LPP: variants seen among roughly 807,000 people sequenced by gnomAD.
LPP encodes lipoma-preferred partner.
LPP carries 38 observed loss-of-function variants against 60.4 expected under a neutral mutation model. The ratio of observed to expected loss-of-function variants is 0.63; its 90% CI spans 0.49 to 0.83. LPP has a LOEUF of 0.83. Among genes scored for constraint, LPP ranks in the 40% least tolerant of loss-of-function variants. The probability of loss-of-function intolerance (pLI) is 0.00; values close to 1 mark genes in which losing one functional copy is unlikely to be tolerated. For synonymous variants in LPP, 328 were observed against 290.8 expected, an observed-to-expected ratio of 1.13 and a Z score of -1.30; for missense variants, 902 against 783.6, an observed-to-expected ratio of 1.15 and a Z score of -1.80.
chr3:188,371,638 T>TATAC (rs1773178040), intron 3 of LPP, among the ~76,000 whole-genome samples: 4 of 36,308 alleles, frequency 1.1e-4, no homozygotes, highest in Non-Finnish European at 2.5e-4. Context: ...TATATATATA[T>TATAC]ATATTTTTTT....
In LPP at chr3:188,609,438, C is replaced by T; in HGVS notation, c.707C>T (p.Ala236Val). ...GCCCAGCCCAGCCCTCATTATATGGCTGCCCCTTCATCAGGACAAATTTAT... is the reference window on the plus strand; with the variant it reads ...GCCCAGCCCAGCCCTCATTATATGGTTGCCCCTTCATCAGGACAAATTTAT... ...KSAQPSPHYM[A>V]APSSGQIYGS... Residue 236 changes from alanine (A) to valine (V), a missense_variant, in exon 7 of 12, where the codon GCT (alanine) becomes GTT (valine). By Grantham distance (64) the Ala-to-Val change is moderately conservative. Transcript: ENST00000617246. This position sits in a 1 kb window ranked among gnomAD's most constrained non-coding sequence, Gnocchi z 6.9. 12 of 1,614,190 alleles carry T rather than the reference C, an allele frequency of 7.4e-6. No homozygotes were observed. The highest frequency in any genetic ancestry group is 1.0e-5 in the Non-Finnish European group (12 of 1,180,036).
At chr3:188,485,511 G>T (rs910141642) in intron 5 of LPP, among the ~76,000 whole-genome samples, 3 of 152,162 alleles carry the variant, frequency 2.0e-5, no homozygotes, top group African/African-American at 7.2e-5. Context: ...AGATAAAATG[G>T]AATGGGCCGG....
At chr3:188,760,018 C>T (rs921134300) in intron 8 of LPP, 95 bp from the exon 9 acceptor site, 6 of 1,038,274 alleles carry the variant, frequency 5.8e-6, no homozygotes, top group Non-Finnish European at 7.2e-6. Flanking sequence ...GGTTCTATTG[C>T]TGCTGACGTT....
chr3:188,627,716 G>A (rs1171306886), intron 7 of LPP, among the ~76,000 whole-genome samples: 1 of 152,048 alleles, frequency 6.6e-6, no homozygotes, highest in Non-Finnish European at 1.5e-5. Context: ...GATCACTAAA[G>A]CAGAAAACCA....
At chr3:188,427,884 G>A (rs760874341) in intron 4 of LPP, among the ~76,000 whole-genome samples, 1 of 152,088 alleles carries the variant, frequency 6.6e-6, no homozygotes, top group East Asian at 1.9e-4. Context: ...AGAACACTTG[G>A]CTCCCTGGCT....
intron 2 of LPP, among the ~76,000 whole-genome samples, chr3:188,292,570 G>A (rs1194166914): frequency 6.6e-6 from 1 of 152,178 alleles, no homozygotes; most frequent in Non-Finnish European, 1.5e-5. Flanking sequence ...TGGGAGGTGG[G>A]AAGGATTGAA....
intron 3 of LPP, among the ~76,000 whole-genome samples, chr3:188,362,607 G>A (rs772599303): frequency 6.6e-6 from 1 of 152,004 alleles, no homozygotes; most frequent in African/African-American, 2.4e-5. Context: ...TGATTAGATC[G>A]ACGTGTTTAC....
intron 9 of LPP, among the ~76,000 whole-genome samples, chr3:188,814,826 G>T (rs1282477022): frequency 1.3e-5 from 2 of 152,190 alleles, no homozygotes; most frequent in Non-Finnish European, 2.9e-5. Context: ...TTGTCTCTCA[G>T]TCTTAAAAGT....
chr3:188,870,699 G>C (rs980780784), intron 10 of LPP, among the ~76,000 whole-genome samples: 8 of 152,206 alleles, frequency 5.3e-5, no homozygotes, highest in African/African-American at 1.9e-4. Context: ...TCCACTCAGT[G>C]AGCTAAGCCT....
intron 9 of LPP, among the ~76,000 whole-genome samples, chr3:188,824,021 C>A (rs1300269893): frequency 1.3e-5 from 2 of 151,980 alleles, no homozygotes; most frequent in Non-Finnish European, 2.9e-5. Flanking sequence ...TTATAATAAT[C>A]CATTTGTCTC....
intron 9 of LPP, among the ~76,000 whole-genome samples, chr3:188,831,719 A>C (rs1311779726): frequency 1.3e-5 from 2 of 152,232 alleles, no homozygotes; most frequent in African/African-American, 4.8e-5. Flanking sequence ...TAACTTGTGC[A>C]GGATCACACA....
At chr3:188,403,163 C>G (rs886232713) in intron 3 of LPP, among the ~76,000 whole-genome samples, 11 of 152,100 alleles carry the variant, frequency 7.2e-5, no homozygotes, top group African/African-American at 2.7e-4. Context: ...GGGCAGCATG[C>G]GGGTAATTTA....
At chr3:188,769,169 T>A (rs1735083237) in intron 9 of LPP, among the ~76,000 whole-genome samples, 1 of 152,124 alleles carries the variant, frequency 6.6e-6, no homozygotes, top group African/African-American at 2.4e-5. Flanking sequence ...GCTAAAAAAG[T>A]TTTGCATGAA....
At chr3:188,240,203 C>CCTTTCATAAA in intron 2 of LPP, 1 of 179,726 alleles carries the variant, frequency 5.6e-6, no homozygotes, top group Admixed American at 6.3e-5. Context: ...GTTTCATTTT[C>CCTTTCATAAA]CTTTCATAAA....
At chr3:188,286,337 G>C (rs1463957650) in intron 2 of LPP, among the ~76,000 whole-genome samples, 1 of 152,118 alleles carries the variant, frequency 6.6e-6, no homozygotes, top group Non-Finnish European at 1.5e-5. Context: ...AGGTTTGAGT[G>C]ACTCAACATG....
At chr3:188,660,454 A>G (rs1854322714) in intron 7 of LPP, among the ~76,000 whole-genome samples, 1 of 152,152 alleles carries the variant, frequency 6.6e-6, no homozygotes, top group Non-Finnish European at 1.5e-5. Flanking sequence ...CTTTCAGGTA[A>G]ATATTTGTTC....
At chr3:188,194,868 A>G (rs1472921140) in intron 1 of LPP, among the ~76,000 whole-genome samples, 1 of 152,094 alleles carries the variant, frequency 6.6e-6, no homozygotes, top group Admixed American at 6.5e-5. Flanking sequence ...ATGGTAGAAA[A>G]CACAGGTTCA....
chr3:188,203,639 T>TATAA (rs1196963709), intron 1 of LPP, among the ~76,000 whole-genome samples: 1 of 115,714 alleles, frequency 8.6e-6, no homozygotes, highest in Non-Finnish European at 1.7e-5. Context: ...ATCAAATATG[T>TATAA]ATATATATTT....
intron 7 of LPP, among the ~76,000 whole-genome samples, chr3:188,626,024 ATG>A (rs747124028): frequency 1.3e-5 from 2 of 151,648 alleles, no homozygotes; most frequent in African/African-American, 4.8e-5. Context: ...ATTTATAAGT[ATG>A]TGTGTGTGTG....
Sources: gnomAD v4.1 joint callset for allele counts (sites outside exome capture counted in the v4.1 genomes callset) on GRCh38, gnomAD v4.1.1 for gene constraint, Gnocchi (gnomAD v3.1) non-coding constraint, MANE v1.5 for transcripts, NCBI Gene and HGNC (gene_info 2026-07-23, HGNC 2026-07-21) for gene names.